Variants in CARMIL1 observed in about 807,000 individuals in gnomAD.
The protein encoded by CARMIL1 is capping protein regulator and myosin 1 linker 1, also known as F-actin-uncapping protein LRRC16A.
A neutral mutation model predicts 177.1 loss-of-function variants in CARMIL1; 90 were observed. The ratio of observed to expected loss-of-function variants is 0.51; its 90% confidence interval spans 0.43 to 0.61. The LOEUF is 0.61. Ranked by LOEUF, CARMIL1 falls within the 20% of genes least tolerant of loss-of-function variation. The pLI is 0.00. For synonymous variants in CARMIL1, 577 were observed against 606.2 expected (o/e 0.95, Z 0.71); for missense variants, 1,380 against 1,667.0 (o/e 0.83, Z 3.00).
chr6:25,540,342 G>A (rs1048314481), intron 26 of CARMIL1, among the ~76,000 whole-genome samples: 4 of 152,106 alleles, frequency 2.6e-5, no homozygotes, highest in Admixed American at 1.3e-4. Flanking sequence ...TTCTATTTAG[G>A]GGGTAGAAAG....
intron 5 of CARMIL1, among the ~76,000 whole-genome samples, chr6:25,438,052 T>C (rs991960927): frequency 6.6e-6 from 1 of 152,230 alleles, no homozygotes; most frequent in Non-Finnish European, 1.5e-5. Context: ...TGACACAGAA[T>C]ACCACTGTTT....
chr6:25,357,865 T>C (rs1409339505), intron 2 of CARMIL1, among the ~76,000 whole-genome samples: 2 of 151,874 alleles, frequency 1.3e-5, no homozygotes, highest in Non-Finnish European at 3.0e-5. Flanking sequence ...GTATGGCAGG[T>C]ACATTACTTT....
chr6:25,358,018 T>C (rs1421636818), intron 2 of CARMIL1, among the ~76,000 whole-genome samples: 5 of 152,236 alleles, frequency 3.3e-5, no homozygotes, highest in Non-Finnish European at 7.3e-5. Flanking sequence ...CTTTTCTTAC[T>C]GGTTTTGTCC....
intron 31 of CARMIL1, among the ~76,000 whole-genome samples, chr6:25,583,221 G>A (rs971183079): frequency 1.3e-5 from 2 of 152,164 alleles, no homozygotes; most frequent in African/African-American, 4.8e-5. Flanking sequence ...AGAAGGCAAG[G>A]CTTCTTCCAG....
At chr6:25,477,103 CAAAA>C (rs1311889738) in intron 11 of CARMIL1, among the ~76,000 whole-genome samples, 5 of 140,320 alleles carry the variant, frequency 3.6e-5, no homozygotes, top group African/African-American at 1.1e-4. Context: ...AAAAAAAAAA[CAAAA>C]AACAAACAAC....
chr6:25,583,069 G>T (rs116475154), intron 31 of CARMIL1, among the ~76,000 whole-genome samples: 2,965 of 152,290 alleles, frequency 0.019, 82 homozygotes, highest in African/African-American at 0.062. Context: ...CATAAAAGCG[G>T]CATTCAACAA....
At chr6:25,505,645 G>C (rs1051551765) in intron 17 of CARMIL1, among the ~76,000 whole-genome samples, 1 of 152,072 alleles carries the variant, frequency 6.6e-6, no homozygotes, top group Non-Finnish European at 1.5e-5. Flanking sequence ...TAGAGATGGG[G>C]TTTTACCATG....
intron 26 of CARMIL1, among the ~76,000 whole-genome samples, chr6:25,544,293 C>A (rs1324895262): frequency 6.6e-6 from 1 of 151,854 alleles, no homozygotes. Flanking sequence ...TAGATAAAAG[C>A]AAATTTACAT....
intron 2 of CARMIL1, among the ~76,000 whole-genome samples, chr6:25,294,169 C>T (rs531033543): frequency 2.9e-4 from 44 of 152,306 alleles, no homozygotes; most frequent in African/African-American, 1.1e-3. Context: ...GTACTTACAG[C>T]CTCACCAGCC....
chr6:25,459,270 T>TTTTCTTTCTTTC (rs1799898753), intron 8 of CARMIL1, among the ~76,000 whole-genome samples: 1 of 21,216 alleles, frequency 4.7e-5, no homozygotes, highest in Non-Finnish European at 1.1e-4. Flanking sequence ...TTCTTTCTTT[T>TTTTCTTTCTTTC]TTTTTTTTTT....
rs568003049 is a variant in CARMIL1 at position 25,541,971 on chromosome 6, T to C, written c.2328+1893T>C. On this transcript the variant is annotated intron_variant, in intron 26 of 36. Transcript: ENST00000329474. ...ACTGCTCCCGGCCTCATTGTGTCTT[T>C]TGGATTTCTTCAATAACTCAGTGAT... Among the ~76,000 whole-genome samples the C allele has an allele frequency of 4.7e-4, 71 of 152,346 alleles. No individual in the cohort carries two copies. In the South Asian group the frequency reaches 0.013, roughly 28 times the overall value.
At chr6:25,432,336 G>GGGGT in intron 4 of CARMIL1, among the ~76,000 whole-genome samples, 1 of 152,054 alleles carries the variant, frequency 6.6e-6, no homozygotes, top group Non-Finnish European at 1.5e-5. Context: ...TCTCCTTGCT[G>GGGGT]TTCTTTATTA....
At chr6:25,586,673 T>C (rs535070763) in intron 31 of CARMIL1, among the ~76,000 whole-genome samples, 4,408 of 151,662 alleles carry the variant, frequency 0.029, 196 homozygotes, top group African/African-American at 0.095. Flanking sequence ...ACATTGAGCA[T>C]TGAGTGAGCG....
At chr6:25,561,376 T>C (rs1190666292) in intron 29 of CARMIL1, among the ~76,000 whole-genome samples, 2 of 152,224 alleles carry the variant, frequency 1.3e-5, no homozygotes, top group African/African-American at 4.8e-5. Flanking sequence ...TAATTGTATG[T>C]AATTCTTTCA....
At chr6:25,479,412 GGGATTT>G (rs941639278) in intron 11 of CARMIL1, among the ~76,000 whole-genome samples, 1 of 152,102 alleles carries the variant, frequency 6.6e-6, no homozygotes, top group African/African-American at 2.4e-5. Flanking sequence ...TTTTTCATAA[GGGATTT>G]GTTCCTTTCT....
intron 31 of CARMIL1, among the ~76,000 whole-genome samples, chr6:25,588,136 T>C (rs1371553878): frequency 6.6e-6 from 1 of 152,238 alleles, no homozygotes; most frequent in African/African-American, 2.4e-5. Context: ...GTAGGTTATA[T>C]ACAAATACTA....
At chr6:25,414,644 C>T (rs1312594110) in intron 2 of CARMIL1, among the ~76,000 whole-genome samples, 1 of 152,180 alleles carries the variant, frequency 6.6e-6, no homozygotes, top group South Asian at 2.1e-4. Context: ...ACAAGAGTCA[C>T]AATCTGACTT....
At chr6:25,452,571 C>G (rs1457906994) in intron 8 of CARMIL1, 8 of 183,526 alleles carry the variant, frequency 4.4e-5, no homozygotes, top group Non-Finnish European at 7.9e-5. Flanking sequence ...AAAAGTGACA[C>G]TAATAAAGCA....
At chr6:25,281,844 G>A (rs538955382) in intron 1 of CARMIL1, among the ~76,000 whole-genome samples, 1 of 152,248 alleles carries the variant, frequency 6.6e-6, no homozygotes, top group South Asian at 2.1e-4. Flanking sequence ...GCTGAGCGTG[G>A]TGGCTCACCC....
Sources: gnomAD v4.1 joint callset for allele counts (sites outside exome capture counted in the v4.1 genomes callset) on GRCh38, gnomAD v4.1.1 for gene constraint, MANE v1.5 for transcripts, NCBI Gene and HGNC (gene_info 2026-07-23, HGNC 2026-07-21) for gene names.